Variants in DLG2 observed in about 807,000 individuals in gnomAD.
The protein encoded by DLG2 is discs large MAGUK scaffold protein 2, also known as disks large homolog 2.
A neutral mutation model predicts 132.5 loss-of-function variants in DLG2; 45 were observed. That is an observed-to-expected ratio of 0.34 (90% CI 0.27 to 0.44). DLG2 has a LOEUF of 0.44. Ranked by LOEUF, DLG2 falls within the 20% of genes least tolerant of loss-of-function variation. The probability of loss-of-function intolerance (pLI) is 1.00; values close to 1 mark genes in which losing one functional copy is unlikely to be tolerated. For missense variants in DLG2, 1,045 were observed against 1,196.9 expected (o/e 0.87, Z 1.87); for synonymous variants, 424 against 419.6 (o/e 1.01, Z -0.13).
intron 6 of DLG2, among the ~76,000 whole-genome samples, chr11:85,104,284 T>C (rs1178110178): frequency 6.6e-6 from 1 of 151,934 alleles, no homozygotes; most frequent in East Asian, 1.9e-4. Flanking sequence ...GCATTATTCA[T>C]AACATCAAAA....
intron 24 of DLG2, among the ~76,000 whole-genome samples, chr11:83,470,602 G>A (rs988003685): frequency 9.2e-5 from 14 of 152,136 alleles, no homozygotes; most frequent in African/African-American, 3.4e-4. Flanking sequence ...TAAACGACCT[G>A]GAGTTTCATT....
intron 6 of DLG2, among the ~76,000 whole-genome samples, chr11:84,554,899 T>G (rs2099408991): frequency 6.6e-6 from 1 of 152,042 alleles, no homozygotes; most frequent in Non-Finnish European, 1.5e-5. Context: ...ATATCTCCCA[T>G]GTGAAGAGGT....
chr11:85,428,609 G>C (rs1487515766), intron 3 of DLG2, among the ~76,000 whole-genome samples: 4 of 152,038 alleles, frequency 2.6e-5, no homozygotes, highest in South Asian at 2.1e-4. Flanking sequence ...ACCAGAATCT[G>C]TGGGACACAT....
At chr11:85,332,882 T>C (rs536033622) in intron 3 of DLG2, among the ~76,000 whole-genome samples, 37 of 152,272 alleles carry the variant, frequency 2.4e-4, no homozygotes, top group African/African-American at 8.7e-4. Context: ...AGTCAGAGAG[T>C]ATGATGCCTC....
intron 6 of DLG2, among the ~76,000 whole-genome samples, chr11:84,961,705 C>T (rs1411308790): frequency 6.6e-6 from 1 of 152,110 alleles, no homozygotes; most frequent in South Asian, 2.1e-4. Flanking sequence ...GTTAATAAAA[C>T]AAAACTGTAA....
rs114593556 is a variant in DLG2, at chr11:85,191,650, T to C, written c.187-36999A>G. Among the ~76,000 whole-genome samples the C allele has an allele frequency of 3.6e-3, 555 of 152,318 alleles. 2 individuals carry two copies. Among genetic ancestry groups the C allele is most frequent in the African/African-American group, 0.013 (540 of 41,558 alleles). On this transcript the variant is annotated intron_variant, in intron 4 of 27. Transcript: ENST00000376104. ...GCAAATTGCTTCAAAGAGGCTTTCT[T>C]GCTTTTCTCCTTCAAACATGTGTAT...
chr11:83,496,442 C>T (rs1053226767), intron 21 of DLG2, among the ~76,000 whole-genome samples: 2 of 152,068 alleles, frequency 1.3e-5, no homozygotes, highest in Non-Finnish European at 2.9e-5. Context: ...TAATGTATGA[C>T]TTAGAAATTC....
At chr11:84,481,793 C>T (rs2099138510) in intron 7 of DLG2, among the ~76,000 whole-genome samples, 1 of 152,156 alleles carries the variant, frequency 6.6e-6, no homozygotes, top group African/African-American at 2.4e-5. Flanking sequence ...ACTGCAACAA[C>T]TTTGAGAGCC....
intron 6 of DLG2, among the ~76,000 whole-genome samples, chr11:84,958,954 T>C (rs7943194): frequency 0.46 from 69,901 of 152,048 alleles, 17,658 homozygotes; most frequent in East Asian, 0.67. Flanking sequence ...AGTTTGACCA[T>C]AACACACTTC....
intron 6 of DLG2, among the ~76,000 whole-genome samples, chr11:84,774,467 A>G (rs1002997955): frequency 3.9e-5 from 6 of 152,104 alleles, no homozygotes; most frequent in Admixed American, 2.0e-4. Context: ...ATGGAACAAC[A>G]CAACAAAAAG....
At chr11:84,297,967 C>T (rs2098112899) in intron 7 of DLG2, among the ~76,000 whole-genome samples, 1 of 151,974 alleles carries the variant, frequency 6.6e-6, no homozygotes, top group African/African-American at 2.4e-5. Flanking sequence ...AACTCAATTG[C>T]CTCCTCATTA....
intron 7 of DLG2, among the ~76,000 whole-genome samples, chr11:84,313,669 G>GAAAGAAAGAAAGAAAGAA (rs1567261118): frequency 1.3e-5 from 2 of 150,994 alleles, no homozygotes; most frequent in Non-Finnish European, 3.0e-5. Flanking sequence ...AAGAAAGAAA[G>GAAAGAAAGAAAGAAAGAA]AAAGAAAGAA....
chr11:84,290,696 C>T (rs1189695458), intron 7 of DLG2, among the ~76,000 whole-genome samples: 1 of 152,064 alleles, frequency 6.6e-6, no homozygotes, highest in Non-Finnish European at 1.5e-5. Context: ...TATTGAGTAA[C>T]ATAACTAGGG....
chr11:83,461,978 C>T, intron 27 of DLG2, 24 bp downstream of exon 27: 1 of 1,487,622 alleles, frequency 6.7e-7, no homozygotes, highest in Non-Finnish European at 9.4e-7. Flanking sequence ...CTTTCTCACA[C>T]TACCAGGGTA....
At chr11:85,027,259 T>C (rs2060616088) in intron 6 of DLG2, among the ~76,000 whole-genome samples, 1 of 142,812 alleles carries the variant, frequency 7.0e-6, no homozygotes, top group Non-Finnish European at 1.5e-5. Flanking sequence ...ACACATATGA[T>C]ATACACATAC....
At chr11:84,962,657 T>G (rs1056962134) in intron 6 of DLG2, among the ~76,000 whole-genome samples, 1 of 152,172 alleles carries the variant, frequency 6.6e-6, no homozygotes, top group Non-Finnish European at 1.5e-5. Context: ...ACACAGGATG[T>G]GCTCACTAAA....
chr11:84,605,994 C>T (rs1200546450), intron 6 of DLG2, among the ~76,000 whole-genome samples: 1 of 151,954 alleles, frequency 6.6e-6, no homozygotes, highest in Non-Finnish European at 1.5e-5. Flanking sequence ...CAGTGCATTT[C>T]TTTTTCTCCT....
At chr11:85,521,437 T>C (rs2074304487) in intron 3 of DLG2, among the ~76,000 whole-genome samples, 1 of 152,210 alleles carries the variant, frequency 6.6e-6, no homozygotes, top group African/African-American at 2.4e-5. Context: ...TAAACTTCTT[T>C]CCTTTATAAA....
At chr11:84,940,327 AT>A (rs758539605) in intron 6 of DLG2, among the ~76,000 whole-genome samples, 127 of 152,124 alleles carry the variant, frequency 8.3e-4, no homozygotes, top group Non-Finnish European at 1.4e-3. Context: ...ATCTTTTTGT[AT>A]TTTTAGTAGA....
Sources: gnomAD v4.1 joint callset for allele counts (sites outside exome capture counted in the v4.1 genomes callset) on GRCh38, gnomAD v4.1.1 for gene constraint, MANE v1.5 for transcripts, NCBI Gene and HGNC (gene_info 2026-07-23, HGNC 2026-07-21) for gene names.